TRDN: variants seen among roughly 807,000 people sequenced by gnomAD.
The protein encoded by TRDN is triadin in skeletal muscle.
Under a neutral mutation model 149.7 loss-of-function variants are expected in TRDN, and 161 were observed. That is an observed-to-expected ratio of 1.08 (90% CI 0.95 to 1.23). The LOEUF is 1.23. TRDN is among the 50% of genes most tolerant of loss of function. The pLI is 0.00. For synonymous variants in TRDN, 294 were observed against 250.5 expected, an observed-to-expected ratio of 1.17 and a Z score of -1.64; for missense variants, 896 against 823.5, an observed-to-expected ratio of 1.09 and a Z score of -1.08.
At chr6:123,235,756 G>A (rs1438309613) in intron 38 of TRDN, among the ~76,000 whole-genome samples, 3 of 152,044 alleles carry the variant, frequency 2.0e-5, no homozygotes, top group Non-Finnish European at 4.4e-5. Context: ...AGCAACTACT[G>A]AGCTGTAACC....
intron 12 of TRDN, among the ~76,000 whole-genome samples, chr6:123,431,761 T>C (rs1562309821): frequency 6.6e-6 from 1 of 152,308 alleles, no homozygotes; most frequent in East Asian, 1.9e-4. Flanking sequence ...CATGTAAATG[T>C]AGAAATTTAA....
chr6:123,489,820 T>G (rs576930849), intron 9 of TRDN, among the ~76,000 whole-genome samples: 1 of 152,222 alleles, frequency 6.6e-6, no homozygotes, highest in African/African-American at 2.4e-5. Context: ...TGATTGTTTA[T>G]AGTGTTGACT....
intron 4 of TRDN, among the ~76,000 whole-genome samples, chr6:123,537,868 T>A (rs1780629759): frequency 6.6e-6 from 1 of 152,208 alleles, no homozygotes; most frequent in Non-Finnish European, 1.5e-5. Context: ...CTTATGATCG[T>A]TTTTATCTAC....
chr6:123,504,133 GACT>G (rs1482793236), intron 7 of TRDN, among the ~76,000 whole-genome samples: 2 of 151,750 alleles, frequency 1.3e-5, no homozygotes, highest in Non-Finnish European at 2.9e-5. Context: ...ATATTAGATA[GACT>G]ACTAAAAGTG....
At chr6:123,359,863 T>G (rs1450220722) in intron 20 of TRDN, among the ~76,000 whole-genome samples, 1 of 151,912 alleles carries the variant, frequency 6.6e-6, no homozygotes, top group African/African-American at 2.4e-5. Flanking sequence ...GCCTGGCTAA[T>G]TTTTCGTATT....
chr6:123,550,983 C>A (rs1410469611), intron 2 of TRDN, among the ~76,000 whole-genome samples: 2 of 151,566 alleles, frequency 1.3e-5, no homozygotes, highest in African/African-American at 4.9e-5. Context: ...ATGTAAGGAA[C>A]TGGATTGTTC....
chr6:123,282,948 T>C (rs1562244464), intron 24 of TRDN, among the ~76,000 whole-genome samples: 1 of 151,892 alleles, frequency 6.6e-6, no homozygotes. Context: ...TAAAGTTTAA[T>C]ACAAGATAAT....
intron 20 of TRDN, among the ~76,000 whole-genome samples, chr6:123,356,218 T>G (rs1247321275): frequency 6.6e-6 from 1 of 151,640 alleles, no homozygotes; most frequent in African/African-American, 2.4e-5. Flanking sequence ...GGGAAAACCT[T>G]TAATTTCCTC....
intron 9 of TRDN, chr6:123,470,467 T>C (rs1183803129): frequency 6.6e-6 from 1 of 152,034 alleles, no homozygotes; most frequent in Non-Finnish European, 1.5e-5. Flanking sequence ...CTTACACTAG[T>C]GATGGAAGGA....
At chr6:123,504,550 T>C (rs1322413575) in intron 7 of TRDN, among the ~76,000 whole-genome samples, 1 of 152,174 alleles carries the variant, frequency 6.6e-6, no homozygotes, top group Non-Finnish European at 1.5e-5. Context: ...GGCTCCTGTT[T>C]ATCTTAAGTC....
chr6:123,495,406 C>T (rs1338747755), intron 9 of TRDN, among the ~76,000 whole-genome samples: 1 of 151,910 alleles, frequency 6.6e-6, no homozygotes, highest in African/African-American at 2.4e-5. Context: ...GTAATCCCAG[C>T]TACTCAGGAG....
At chr6:123,523,226 G>T (rs1306146963) in intron 5 of TRDN, among the ~76,000 whole-genome samples, 1 of 152,110 alleles carries the variant, frequency 6.6e-6, no homozygotes, top group Admixed American at 6.5e-5. Flanking sequence ...GGGCTTGATG[G>T]CTGGAGAGAA....
chr6:123,285,150 C>G (rs1288243483), intron 24 of TRDN, among the ~76,000 whole-genome samples: 5 of 151,786 alleles, frequency 3.3e-5, no homozygotes. Flanking sequence ...CAATTCCCAT[C>G]AAAATACCAT....
At chr6:123,267,594 C>T in intron 32 of TRDN, 113 bp downstream of exon 32, 3 of 683,906 alleles carry the variant, frequency 4.4e-6, no homozygotes, top group Non-Finnish European at 6.9e-6. Context: ...AACCACAGGA[C>T]AACACATTAC....
chr6:123,547,520 G>T (rs7450199), intron 3 of TRDN, 148 bp from the exon 4 acceptor site: 1 of 435,926 alleles, frequency 2.3e-6, no homozygotes. Flanking sequence ...CCAAATTCCA[G>T]TTTTTAAGTA....
chr6:123,629,328 T>C (rs895704091), intron 1 of TRDN, among the ~76,000 whole-genome samples: 4 of 152,154 alleles, frequency 2.6e-5, no homozygotes. Context: ...CCCTAGACCA[T>C]ATTAAAACTA....
intron 24 of TRDN, among the ~76,000 whole-genome samples, chr6:123,302,997 T>A (rs1329258301): frequency 6.6e-6 from 1 of 152,170 alleles, no homozygotes; most frequent in African/African-American, 2.4e-5. Context: ...TTTCATTATG[T>A]CACATTTAGA....
At chr6:123,223,419 A>G (rs1174108509) in intron 39 of TRDN, among the ~76,000 whole-genome samples, 1 of 151,768 alleles carries the variant, frequency 6.6e-6, no homozygotes, top group Non-Finnish European at 1.5e-5. Flanking sequence ...AAACATACAC[A>G]TGTACCCCTA....
chr6:123,402,040 TCC>T (rs1160238497), intron 12 of TRDN, among the ~76,000 whole-genome samples: 4 of 151,802 alleles, frequency 2.6e-5, no homozygotes, highest in African/African-American at 9.7e-5. Context: ...TGACAATGTA[TCC>T]TCCTGGAATT....
Sources: gnomAD v4.1 joint callset for allele counts (sites outside exome capture counted in the v4.1 genomes callset) on GRCh38, gnomAD v4.1.1 for gene constraint, MANE v1.5 for transcripts, NCBI Gene and HGNC (gene_info 2026-07-23, HGNC 2026-07-21) for gene names.